DRC11: variants seen among roughly 807,000 people sequenced by gnomAD.
The protein encoded by DRC11 is dynein regulatory complex subunit 11.
the DRC11 span, chr2:236,412,590 T>A: frequency 6.6e-6 from 1 of 152,248 alleles, no homozygotes; most frequent in East Asian, 1.9e-4. Context: ...CTGTTCTTAA[T>A]CTTACCTCTG....
the DRC11 span, among the ~76,000 whole-genome samples, chr2:236,485,299 CACAT>C: frequency 6.6e-6 from 1 of 151,854 alleles, no homozygotes; most frequent in Non-Finnish European, 1.5e-5. Flanking sequence ...TATACATATA[CACAT>C]ACATACATAT....
chr2:236,409,005 T>A, the DRC11 span: 1 of 683,368 alleles, frequency 1.5e-6, no homozygotes, highest in Admixed American at 2.2e-5. Flanking sequence ...CTTCCCACGA[T>A]GCGTGCTGTG....
At chr2:236,311,297 G>A in the DRC11 span, among the ~76,000 whole-genome samples, 8 of 152,222 alleles carry the variant, frequency 5.3e-5, no homozygotes, top group Middle Eastern at 3.2e-3. The surrounding 1 kb of genome is among the most constrained non-coding windows in gnomAD (Gnocchi z 6.9). Context: ...GCAGGTGGTG[G>A]TGCTCACTCC....
At chr2:236,399,808 G>A in the DRC11 span, among the ~76,000 whole-genome samples, 1 of 151,846 alleles carries the variant, frequency 6.6e-6, no homozygotes, top group East Asian at 1.9e-4. The surrounding 1 kb of genome is among the most constrained non-coding windows in gnomAD (Gnocchi z 7.0). Flanking sequence ...TTTTTGAGAC[G>A]GGGCTTAAAC....
At chr2:236,489,274 ACTGGGGCCTGTGTGGGCTCTGGGTGCATG>A in the DRC11 span, among the ~76,000 whole-genome samples, 2 of 52,314 alleles carry the variant, frequency 3.8e-5, no homozygotes, top group Non-Finnish European at 3.6e-5. Flanking sequence ...CTGGGTGCAT[ACTGGGGCCTGTGTGGGCTCTGGGTGCATG>A]CTGGGGCCTG....
chr2:236,402,296 C>T, the DRC11 span, among the ~76,000 whole-genome samples: 1 of 152,232 alleles, frequency 6.6e-6, no homozygotes, highest in African/African-American at 2.4e-5. The surrounding 1 kb of genome is among the most constrained non-coding windows in gnomAD (Gnocchi z 6.0). Flanking sequence ...CCAGCTCACT[C>T]AGAGGACACA....
At chr2:236,352,039 A>G in the DRC11 span, among the ~76,000 whole-genome samples, 1 of 152,172 alleles carries the variant, frequency 6.6e-6, no homozygotes, top group Admixed American at 6.5e-5. The surrounding 1 kb of genome is among the most constrained non-coding windows in gnomAD (Gnocchi z 7.0). Context: ...AAAGGGGGAC[A>G]GTAGATGAGG....
At chr2:236,413,031 G>C in the DRC11 span, 1 of 152,238 alleles carries the variant, frequency 6.6e-6, no homozygotes, top group African/African-American at 2.4e-5. This position sits in a 1 kb window ranked among gnomAD's most constrained non-coding sequence, Gnocchi z 4.0. Flanking sequence ...GTAGGCTCCT[G>C]AAAGAGTCTC....
chr2:236,351,089 C>T, the DRC11 span, among the ~76,000 whole-genome samples: 8 of 152,180 alleles, frequency 5.3e-5, no homozygotes, highest in South Asian at 2.1e-4. This position sits in a 1 kb window ranked among gnomAD's most constrained non-coding sequence, Gnocchi z 7.3. Flanking sequence ...TGGCCCTGAA[C>T]GTAGAATGAA....
At chr2:236,315,790 G>C in the DRC11 span, among the ~76,000 whole-genome samples, 1 of 152,114 alleles carries the variant, frequency 6.6e-6, no homozygotes, top group African/African-American at 2.4e-5. This position sits in a 1 kb window ranked among gnomAD's most constrained non-coding sequence, Gnocchi z 5.1. Context: ...ACAAGTGGCA[G>C]CTGAACAATG....
At chr2:236,428,268 T>C in the DRC11 span, among the ~76,000 whole-genome samples, 1 of 152,196 alleles carries the variant, frequency 6.6e-6, no homozygotes, top group Non-Finnish European at 1.5e-5. Flanking sequence ...AAAGTGTAGT[T>C]CAAGTTCATT....
the DRC11 span, among the ~76,000 whole-genome samples, chr2:236,398,257 C>G: frequency 6.6e-6 from 1 of 152,162 alleles, no homozygotes; most frequent in Non-Finnish European, 1.5e-5. This position sits in a 1 kb window ranked among gnomAD's most constrained non-coding sequence, Gnocchi z 6.2. Flanking sequence ...CCCAGGGTTC[C>G]CCTTTAGTTC....
the DRC11 span, among the ~76,000 whole-genome samples, chr2:236,505,118 A>G: frequency 6.6e-6 from 1 of 152,232 alleles, no homozygotes; most frequent in African/African-American, 2.4e-5. Flanking sequence ...GATTGGTTTC[A>G]GACTTGAGCA....
At chr2:236,460,992 G>A in the DRC11 span, among the ~76,000 whole-genome samples, 3 of 152,162 alleles carry the variant, frequency 2.0e-5, no homozygotes, top group Admixed American at 6.5e-5. The surrounding 1 kb of genome is among the most constrained non-coding windows in gnomAD (Gnocchi z 4.0). Context: ...CTGACCTCAG[G>A]TGATCTGCCT....
chr2:236,363,643 T>C, the DRC11 span: 1 of 709,310 alleles, frequency 1.4e-6, no homozygotes, highest in Non-Finnish European at 2.4e-6. This position sits in a 1 kb window ranked among gnomAD's most constrained non-coding sequence, Gnocchi z 5.6. Context: ...TACGCAATAA[T>C]GAAGTAATTT....
At chr2:236,433,064 G>T in the DRC11 span, among the ~76,000 whole-genome samples, 1 of 151,196 alleles carries the variant, frequency 6.6e-6, no homozygotes, top group Admixed American at 6.6e-5. Context: ...ATAAATTTCC[G>T]TATGTATTTG....
chr2:236,408,243 G>T, the DRC11 span: 1 of 842,992 alleles, frequency 1.2e-6, no homozygotes, highest in Non-Finnish European at 2.1e-6. This position sits in a 1 kb window ranked among gnomAD's most constrained non-coding sequence, Gnocchi z 5.5. Context: ...TGATCTCAGT[G>T]CGGTGATGGT....
chr2:236,368,346 T>C, the DRC11 span: 1 of 1,062,696 alleles, frequency 9.4e-7, no homozygotes, highest in Non-Finnish European at 1.4e-6. Context: ...AAAACAGCGC[T>C]GGTCTGAGCT....
At chr2:236,401,046 G>T in the DRC11 span, among the ~76,000 whole-genome samples, 1 of 152,066 alleles carries the variant, frequency 6.6e-6, no homozygotes, top group Non-Finnish European at 1.5e-5. The surrounding 1 kb of genome is among the most constrained non-coding windows in gnomAD (Gnocchi z 4.6). Flanking sequence ...TTCCTTGGAA[G>T]CCCCACAGAG....
Sources: gnomAD v4.1 joint callset for allele counts (sites outside exome capture counted in the v4.1 genomes callset) on GRCh38, gnomAD v4.1.1 for gene constraint, Gnocchi (gnomAD v3.1) non-coding constraint, MANE v1.5 for transcripts, NCBI Gene and HGNC (gene_info 2026-07-23, HGNC 2026-07-21) for gene names.